CDH18: variants seen among roughly 807,000 people sequenced by gnomAD.
The protein encoded by CDH18 is cadherin 18, also known as cadherin-18.
Under a neutral mutation model 67.9 loss-of-function variants are expected in CDH18, and 31 were observed. The observed-to-expected ratio is 0.46, with a 90% CI of 0.34 to 0.62. CDH18 has a LOEUF of 0.62. CDH18 is among the 20% of genes least tolerant of loss of function. The pLI is 0.01. For missense variants in CDH18, 890 were observed against 975.5 expected (o/e 0.91, Z 1.17); for synonymous variants, 362 against 347.2 (o/e 1.04, Z -0.48).
chr5:19,577,895 T>C (rs1239682175), intron 7 of CDH18, among the ~76,000 whole-genome samples: 5 of 152,196 alleles, frequency 3.3e-5, no homozygotes, highest in Admixed American at 3.3e-4. Flanking sequence ...TTAAATTTAA[T>C]GACAAGGGTC....
At chr5:19,779,344 A>C (rs752323199) in intron 3 of CDH18, among the ~76,000 whole-genome samples, 10 of 152,194 alleles carry the variant, frequency 6.6e-5, no homozygotes, top group Non-Finnish European at 1.2e-4. Flanking sequence ...TCTAATGAAG[A>C]AACCTAATAG....
At chr5:20,095,360 A>G in intron 2 of CDH18, among the ~76,000 whole-genome samples, 1 of 140,642 alleles carries the variant, frequency 7.1e-6, no homozygotes, top group Non-Finnish European at 1.5e-5. Context: ...AGAAAGAAAG[A>G]AAAGACAGAA....
chr5:20,432,115 G>A (rs1368270941), intron 1 of CDH18, among the ~76,000 whole-genome samples: 1 of 152,012 alleles, frequency 6.6e-6, no homozygotes, highest in African/African-American at 2.4e-5. Context: ...ACAATATACT[G>A]TTCTGAAATA....
intron 2 of CDH18, among the ~76,000 whole-genome samples, chr5:20,001,067 A>T (rs1261453680): frequency 6.6e-6 from 1 of 152,200 alleles, no homozygotes; most frequent in Non-Finnish European, 1.5e-5. Flanking sequence ...GATCAAATTA[A>T]CTTAGTATAG....
intron 4 of CDH18, among the ~76,000 whole-genome samples, chr5:19,732,097 A>T (rs1455326090): frequency 9.1e-6 from 1 of 109,858 alleles, no homozygotes; most frequent in African/African-American, 7.7e-5. Flanking sequence ...CTCAAAAAAT[A>T]AAAAAAAAAA....
chr5:20,311,539 G>A (rs889641637), intron 1 of CDH18, among the ~76,000 whole-genome samples: 11 of 152,048 alleles, frequency 7.2e-5, no homozygotes, highest in Non-Finnish European at 1.5e-4. Context: ...GCAAACTATC[G>A]CTAGAACAGA....
chr5:20,216,672 A>C (rs1740797938), intron 2 of CDH18, among the ~76,000 whole-genome samples: 1 of 151,932 alleles, frequency 6.6e-6, no homozygotes, highest in Non-Finnish European at 1.5e-5. Flanking sequence ...TCACTCAACA[A>C]ATGCCATCAA....
intron 2 of CDH18, among the ~76,000 whole-genome samples, chr5:19,935,813 T>TCC (rs1794191912): frequency 1.3e-5 from 2 of 150,238 alleles, no homozygotes; most frequent in South Asian, 4.2e-4. Flanking sequence ...TCTCTCTCTC[T>TCC]CTCTCTCTCT....
intron 3 of CDH18, among the ~76,000 whole-genome samples, chr5:19,838,407 T>C (rs1333164305): frequency 6.6e-6 from 1 of 152,164 alleles, no homozygotes; most frequent in Non-Finnish European, 1.5e-5. Context: ...ATAAGTGACA[T>C]GTGAATTCCA....
intron 2 of CDH18, among the ~76,000 whole-genome samples, chr5:20,141,581 A>G (rs1177561783): frequency 2.0e-5 from 3 of 152,152 alleles, no homozygotes; most frequent in Admixed American, 6.6e-5. Flanking sequence ...TGTAATGGAC[A>G]ATATATTTGA....
At position 20,255,662 on chromosome 5, in the gene CDH18, G is replaced by GT. The variant is rs542801806; in HGVS notation, c.-579-158dup. Among the ~76,000 whole-genome samples, 356 of 149,174 alleles carry GT rather than the reference G, an allele frequency of 2.4e-3. 5 individuals carry two copies. The South Asian group carries it at 0.024, about 10-fold the overall frequency. ...AATTTTTGAGAAGTTTGAACTGCGA[G>GT]TTTTTTTTTTCCTTTTTAGGGCATG... On this transcript the variant is annotated intron_variant, in intron 1 of 14. Coordinates refer to the CDH18 transcript ENST00000507958.
rs557498471 is a variant in CDH18, at chr5:20,469,165, A to T, written c.-580+106297T>A. Among the ~76,000 whole-genome samples, 234 of 152,290 alleles carry T rather than the reference A, an allele frequency of 1.5e-3. 1 individual carries two copies. The highest frequency in any genetic ancestry group is 5.6e-3 in the African/African-American group (231 of 41,572). On this transcript the variant is annotated intron_variant, in intron 1 of 14. Coordinates refer to the CDH18 transcript ENST00000507958. ...TAAATAGAATGAACATAGGATGAGA[A>T]GAAAGACTTCAAGGGACTTTGCTCA...
chr5:19,681,372 C>T (rs909174635), intron 5 of CDH18, among the ~76,000 whole-genome samples: 3 of 151,864 alleles, frequency 2.0e-5, no homozygotes, highest in African/African-American at 7.3e-5. Flanking sequence ...TGAACATTTA[C>T]CCTTGAGCCT....
At chr5:20,400,811 T>A (rs1745702583) in intron 1 of CDH18, among the ~76,000 whole-genome samples, 1 of 152,044 alleles carries the variant, frequency 6.6e-6, no homozygotes, top group Admixed American at 6.6e-5. Context: ...AAATAAGTAA[T>A]AAGTAAATAA....
chr5:20,076,710 G>A (rs963031009), intron 2 of CDH18, among the ~76,000 whole-genome samples: 7 of 152,020 alleles, frequency 4.6e-5, no homozygotes, highest in East Asian at 1.9e-4. Context: ...TGACAAGTTC[G>A]CATTTCTGTC....
At chr5:20,196,281 A>G (rs200669408) in intron 2 of CDH18, among the ~76,000 whole-genome samples, 1 of 120,508 alleles carries the variant, frequency 8.3e-6, no homozygotes, top group East Asian at 2.6e-4. Context: ...CAATATTCTG[A>G]CTATTTTAAA....
At chr5:19,553,633 C>CA (rs1456164512) in intron 8 of CDH18, among the ~76,000 whole-genome samples, 17 of 108,776 alleles carry the variant, frequency 1.6e-4, no homozygotes, top group African/African-American at 5.9e-4. Flanking sequence ...TGGTCTCATA[C>CA]TTTTTTTTTT....
chr5:20,110,086 C>T (rs1326030222), intron 2 of CDH18, among the ~76,000 whole-genome samples: 9 of 152,040 alleles, frequency 5.9e-5, no homozygotes, highest in Admixed American at 5.9e-4. Flanking sequence ...CTGAGCTTAC[C>T]CTCTACATGC....
chr5:20,213,124 CACTT>C (rs1740482952), intron 2 of CDH18, among the ~76,000 whole-genome samples: 1 of 152,108 alleles, frequency 6.6e-6, no homozygotes. Flanking sequence ...GTATATACAA[CACTT>C]ACTTAAACAC....
Sources: allele counts gnomAD v4.1 joint callset (sites outside exome capture counted in the v4.1 genomes callset), GRCh38; gene constraint gnomAD v4.1.1; transcripts MANE v1.5; gene names NCBI Gene and HGNC (gene_info 2026-07-23, HGNC 2026-07-21).